QTGAL: variants seen among roughly 807,000 people sequenced by gnomAD.
QTGAL encodes the protein queuosine-tRNA galactosyltransferase.
At chr17:82,957,157 G>A in the QTGAL span, 5 of 1,614,086 alleles carry the variant, frequency 3.1e-6, no homozygotes, top group Middle Eastern at 1.6e-4. Flanking sequence ...GACCCCAAGG[G>A]TGACACCATG....
the QTGAL span, among the ~76,000 whole-genome samples, chr17:82,969,262 C>A: frequency 3.3e-5 from 5 of 152,030 alleles, no homozygotes; most frequent in African/African-American, 1.2e-4. Context: ...CGCATTCAAG[C>A]GATTCTTGTG....
chr17:83,005,089 C>T, the QTGAL span: 1 of 1,575,680 alleles, frequency 6.3e-7, no homozygotes, highest in South Asian at 1.1e-5. The surrounding 1 kb of genome is among the most constrained non-coding windows in gnomAD (Gnocchi z 5.6). Context: ...GTGCACCTGC[C>T]CCAGACAAGG....
the QTGAL span, among the ~76,000 whole-genome samples, chr17:82,992,502 T>C: frequency 6.6e-6 from 1 of 152,140 alleles, no homozygotes; most frequent in Admixed American, 6.5e-5. Flanking sequence ...GATAAAGACT[T>C]TCCCAGACAA....
At chr17:82,969,182 CAG>C in the QTGAL span, among the ~76,000 whole-genome samples, 12 of 151,500 alleles carry the variant, frequency 7.9e-5, no homozygotes, top group African/African-American at 1.5e-4. Flanking sequence ...TGTTTTGAGA[CAG>C]AGTCTCGCTC....
At chr17:82,948,429 G>C in the QTGAL span, 1 of 152,298 alleles carries the variant, frequency 6.6e-6, no homozygotes, top group Non-Finnish European at 1.5e-5. Flanking sequence ...CAGCGTCCTT[G>C]CAAGGGCAAA....
At chr17:83,005,737 T>A in the QTGAL span, 1 of 786,008 alleles carries the variant, frequency 1.3e-6, no homozygotes, top group Non-Finnish European at 2.1e-6. This position sits in a 1 kb window ranked among gnomAD's most constrained non-coding sequence, Gnocchi z 5.6. Flanking sequence ...TCCCCGGGCA[T>A]CCAGGCCAGC....
At chr17:83,005,430 A>C in the QTGAL span, 1 of 621,472 alleles carries the variant, frequency 1.6e-6, no homozygotes, top group East Asian at 2.8e-5. This position sits in a 1 kb window ranked among gnomAD's most constrained non-coding sequence, Gnocchi z 5.6. Flanking sequence ...TGGGCACGAC[A>C]GAAGACGGCC....
the QTGAL span, among the ~76,000 whole-genome samples, chr17:82,995,904 TAACTC>T: frequency 6.6e-6 from 1 of 152,108 alleles, no homozygotes; most frequent in African/African-American, 2.4e-5. Flanking sequence ...GCCTAGGAAT[TAACTC>T]AACCAAAGGA....
the QTGAL span, among the ~76,000 whole-genome samples, chr17:83,020,305 A>G: frequency 2.0e-5 from 3 of 152,172 alleles, no homozygotes; most frequent in African/African-American, 7.2e-5. Flanking sequence ...CGGCTAAGAA[A>G]TTTCTGAGAC....
the QTGAL span, among the ~76,000 whole-genome samples, chr17:82,977,073 G>A: frequency 2.0e-5 from 3 of 152,262 alleles, no homozygotes; most frequent in Non-Finnish European, 2.9e-5. Context: ...TGCCCACCTC[G>A]AAGGCCACGG....
At chr17:83,014,980 G>A in the QTGAL span, among the ~76,000 whole-genome samples, 4 of 152,280 alleles carry the variant, frequency 2.6e-5, no homozygotes, top group African/African-American at 7.2e-5. Context: ...GCTGCGATGA[G>A]GACCTGTTAC....
At chr17:83,029,197 C>G in the QTGAL span, among the ~76,000 whole-genome samples, 1 of 152,188 alleles carries the variant, frequency 6.6e-6, no homozygotes, top group African/African-American at 2.4e-5. Flanking sequence ...AAATTTCACA[C>G]GGAAATCCTG....
chr17:82,977,112 G>A, the QTGAL span, among the ~76,000 whole-genome samples: 1 of 152,240 alleles, frequency 6.6e-6, no homozygotes, highest in South Asian at 2.1e-4. Context: ...TAAGCCAAAC[G>A]CTGGCCCACT....
At chr17:82,950,660 G>A in the QTGAL span, among the ~76,000 whole-genome samples, 5 of 152,166 alleles carry the variant, frequency 3.3e-5, no homozygotes, top group Non-Finnish European at 7.3e-5. Flanking sequence ...TCTCCAATAA[G>A]ACTGGAAAGT....
the QTGAL span, among the ~76,000 whole-genome samples, chr17:82,974,701 G>A: frequency 2.0e-5 from 3 of 152,200 alleles, no homozygotes; most frequent in South Asian, 2.1e-4. Context: ...TCAAGGCTGA[G>A]GGTGTGGGGG....
chr17:82,962,069 C>A, the QTGAL span, among the ~76,000 whole-genome samples: 2 of 152,298 alleles, frequency 1.3e-5, no homozygotes, highest in East Asian at 3.9e-4. Context: ...ACCTTTGCTC[C>A]AGGAAAGGGC....
chr17:82,973,733 G>A, the QTGAL span, among the ~76,000 whole-genome samples: 1 of 152,210 alleles, frequency 6.6e-6, no homozygotes, highest in East Asian at 1.9e-4. Context: ...AGCGTCAAAC[G>A]AGCGGGCACA....
At chr17:83,028,544 A>G in the QTGAL span, among the ~76,000 whole-genome samples, 5 of 151,358 alleles carry the variant, frequency 3.3e-5, no homozygotes, top group South Asian at 1.0e-3. Context: ...AAAAAGAAAA[A>G]AAAAGAAAAG....
the QTGAL span, among the ~76,000 whole-genome samples, chr17:82,954,641 C>T: frequency 2.0e-5 from 3 of 152,172 alleles, no homozygotes; most frequent in Non-Finnish European, 4.4e-5. Flanking sequence ...CTTTAAATTT[C>T]ATATGAAACC....
Sources: allele counts gnomAD v4.1 joint callset (sites outside exome capture counted in the v4.1 genomes callset), GRCh38; gene constraint gnomAD v4.1.1; non-coding constraint Gnocchi (gnomAD v3.1); transcripts MANE v1.5; gene names NCBI Gene and HGNC (gene_info 2026-07-23, HGNC 2026-07-21).